NDRG4: variants seen among roughly 807,000 people sequenced by gnomAD.
NDRG4 encodes the protein NDRG family member 4, also known as protein NDRG4.
NDRG4 carries 38 observed loss-of-function variants against 55.8 expected under a neutral mutation model. The observed-to-expected ratio is 0.68, with a 90% CI of 0.53 to 0.89. The LOEUF is 0.89. NDRG4 is among the 40% of genes least tolerant of loss of function. The pLI is 0.00. For missense variants in NDRG4, 455 were observed against 468.6 expected, an observed-to-expected ratio of 0.97 and a Z score of 0.27; for synonymous variants, 190 against 182.7, an observed-to-expected ratio of 1.04 and a Z score of -0.32.
chr16:58,499,265 T>C (rs2151761122), upstream of NDRG4: 1 of 152,418 alleles, frequency 6.6e-6, no homozygotes, highest in Non-Finnish European at 1.5e-5. Flanking sequence ...TGGTTGCCTC[T>C]GGGAACGAGG....
chr16:58,507,665 C>T (rs749417246), intron 8 of NDRG4, 143 bp from the exon 9 acceptor site: 13 of 781,154 alleles, frequency 1.7e-5, no homozygotes, highest in Non-Finnish European at 2.3e-5. Context: ...GTCCAAAAAG[C>T]CGTGACAGGG....
upstream of NDRG4, chr16:58,499,224 T>C (rs1460080663): frequency 6.6e-6 from 1 of 152,078 alleles, no homozygotes; most frequent in Non-Finnish European, 1.5e-5. Context: ...AGTGTTCTGC[T>C]CCCCAGAGAC....
At chr16:58,493,422 C>A (rs2036021382) in intron 2 of NDRG4, among the ~76,000 whole-genome samples, 1 of 152,234 alleles carries the variant, frequency 6.6e-6, no homozygotes, top group Non-Finnish European at 1.5e-5. Flanking sequence ...GCATGTGCCA[C>A]CACACCCAGC....
At chr16:58,472,576 A>C (rs1483115499) in intron 1 of NDRG4, among the ~76,000 whole-genome samples, 1 of 152,052 alleles carries the variant, frequency 6.6e-6, no homozygotes, top group African/African-American at 2.4e-5. Context: ...AATAACTTAG[A>C]AGTTACGTTA....
chr16:58,489,379 C>A (rs545848799), intron 2 of NDRG4, among the ~76,000 whole-genome samples: 1 of 151,914 alleles, frequency 6.6e-6, no homozygotes, highest in East Asian at 1.9e-4. Flanking sequence ...CCAGCTCCCC[C>A]GCCTGTTCCC....
At chr16:58,480,883 C>A (rs1597119771) in intron 1 of NDRG4, among the ~76,000 whole-genome samples, 1 of 152,098 alleles carries the variant, frequency 6.6e-6, no homozygotes, top group East Asian at 1.9e-4. Flanking sequence ...TGGCAGAAGC[C>A]TGTAATCCCA....
intron 1 of NDRG4, among the ~76,000 whole-genome samples, chr16:58,473,430 C>G (rs2033149723): frequency 6.6e-6 from 1 of 152,288 alleles, no homozygotes; most frequent in Middle Eastern, 3.4e-3. Context: ...TCCCAAAGTG[C>G]TGGGATTACA....
intron 1 of NDRG4, among the ~76,000 whole-genome samples, chr16:58,472,501 T>A (rs1269297235): frequency 6.6e-6 from 1 of 152,160 alleles, no homozygotes; most frequent in African/African-American, 2.4e-5. Flanking sequence ...GCTGCCTGTG[T>A]GTGATTGCCA....
At chr16:58,500,794 T>G in intron 1 of NDRG4, 1 of 417,964 alleles carries the variant, frequency 2.4e-6, no homozygotes, top group Admixed American at 4.0e-5. Flanking sequence ...CTAGCTTGTT[T>G]GGATGGCTGC....
At chr16:58,505,484 A>C (rs965062773) in intron 5 of NDRG4, among the ~76,000 whole-genome samples, 1 of 151,662 alleles carries the variant, frequency 6.6e-6, no homozygotes, top group Non-Finnish European at 1.5e-5. Context: ...TACTACTTCA[A>C]AAGAAATGAC....
intron 10 of NDRG4, 137 bp from the exon 11 acceptor site, chr16:58,508,825 A>C: frequency 1.1e-6 from 1 of 870,890 alleles, no homozygotes; most frequent in Non-Finnish European, 1.8e-6. Context: ...TGGGAGGAGC[A>C]GCCTGTCACA....
intron 10 of NDRG4, 85 bp from the exon 11 acceptor site, chr16:58,508,877 C>T: frequency 7.4e-6 from 11 of 1,490,068 alleles, no homozygotes; most frequent in Non-Finnish European, 1.0e-5. Flanking sequence ...CCCTCTCCTC[C>T]CCGAGCTTGG....
At chr16:58,491,304 G>A (rs767315547) in intron 2 of NDRG4, among the ~76,000 whole-genome samples, 3 of 151,884 alleles carry the variant, frequency 2.0e-5, no homozygotes, top group African/African-American at 4.8e-5. Context: ...CCCCACACCC[G>A]ACACAGCCTC....
In NDRG4 at chr16:58,464,500, C is replaced by T; in HGVS notation, c.-24+703C>T. Reference sequence around the variant, plus strand: ...CCGCCTGCCCCGCAGCCGGCCGCCACTTTCCGAGTTGGAGCGGACTCCGGG... The same window carrying T: ...CCGCCTGCCCCGCAGCCGGCCGCCATTTTCCGAGTTGGAGCGGACTCCGGG... On this transcript the variant is annotated intron_variant, in intron 1 of 15. Coordinates refer to the NDRG4 transcript ENST00000258187. The surrounding 1 kb of genome is among the most constrained non-coding windows in gnomAD (Gnocchi z 4.8). The T allele has an allele frequency of 7.7e-7, 1 of 1,306,368 alleles. No individual in the cohort carries two copies. The highest frequency in any genetic ancestry group is 9.7e-7 in the Non-Finnish European group (1 of 1,026,042). The allele number at this position is 1,306,368 out of a possible 1,614,324, so 80.9% of individuals were successfully genotyped here. A position where few individuals can be genotyped will look rare whatever the true frequency, so the allele number is the denominator to read the frequency against.
chr16:58,515,366 C>G (rs578154004), downstream of NDRG4: 63 of 682,802 alleles, frequency 9.2e-5, no homozygotes, highest in South Asian at 1.3e-3. Context: ...AATTGGAGAT[C>G]CTGGACTCAA....
chr16:58,507,880 C>T lies in NDRG4; in HGVS notation c.677+16C>T. ...AGACGCTCCGGTGAGTGGCCCCTGGCCCTCTGGCCTGCCCTGGCCTTTGCC... is the reference window on the plus strand; with the variant it reads ...AGACGCTCCGGTGAGTGGCCCCTGGTCCTCTGGCCTGCCCTGGCCTTTGCC... On this transcript the variant is annotated intron_variant, in intron 9 of 14. Coordinates refer to ENST00000570248, the MANE Select transcript of NDRG4 (RefSeq NM_001242835.2). 6.2e-7 allele frequency: 1 copy of T among 1,614,040 alleles called. No homozygotes were observed. Among genetic ancestry groups the T allele is most frequent in the Non-Finnish European group, 8.5e-7 (1 of 1,179,972 alleles).
Position 58,464,222 on chromosome 16 carries a change from A to C in NDRG4, c.-24+425A>C. The C allele has an allele frequency of 2.5e-6, 1 of 398,202 alleles. No homozygotes were observed. Among genetic ancestry groups the C allele is most frequent in the Non-Finnish European group, 4.4e-6 (1 of 228,466 alleles). The allele number at this position is 398,202 out of a possible 1,614,324, so 24.7% of individuals were successfully genotyped here. ...GGTGCCTTTTTGGGGGTGCGCGGCC[A>C]TGCAATTGGTGGATTTTTTTAAACC... On this transcript the variant is annotated intron_variant, in intron 1 of 15. Transcript: ENST00000258187. The surrounding 1 kb of genome is among the most constrained non-coding windows in gnomAD (Gnocchi z 4.8).
chr16:58,501,365 G>T, intron 1 of NDRG4: 1 of 320,274 alleles, frequency 3.1e-6, no homozygotes. Context: ...GAGGGGAGAC[G>T]GACCGACCGA....
At chr16:58,482,518 G>A (rs1039166990) in intron 1 of NDRG4, among the ~76,000 whole-genome samples, 5 of 152,136 alleles carry the variant, frequency 3.3e-5, no homozygotes, top group African/African-American at 4.8e-5. Flanking sequence ...TCCCCACATC[G>A]CATGACCCTT....
Sources: allele counts gnomAD v4.1 joint callset (sites outside exome capture counted in the v4.1 genomes callset), GRCh38; gene constraint gnomAD v4.1.1; non-coding constraint Gnocchi (gnomAD v3.1); transcripts MANE v1.5; gene names NCBI Gene and HGNC (gene_info 2026-07-23, HGNC 2026-07-21).